CLNK: variants seen among roughly 807,000 people sequenced by gnomAD.
The protein encoded by CLNK is cytokine-dependent hematopoietic cell linker.
Under a neutral mutation model 68.6 loss-of-function variants are expected in CLNK, and 74 were observed. That is an observed-to-expected ratio of 1.08 (90% CI 0.89 to 1.31). The LOEUF (loss-of-function observed/expected upper bound fraction) is 1.31. CLNK is among the 50% of genes most tolerant of loss of function. CLNK has a pLI of 0.00. For missense variants in CLNK, 553 were observed against 515.3 expected (o/e 1.07, Z -0.71); for synonymous variants, 198 against 172.2 (o/e 1.15, Z -1.17).
At chr4:10,690,504 T>C in the CLNK span, among the ~76,000 whole-genome samples, 1 of 152,316 alleles carries the variant, frequency 6.6e-6, no homozygotes, top group African/African-American at 2.4e-5. Context: ...CCTCTCCCAA[T>C]TCTTCTTTAA....
At chr4:10,582,758 C>G (rs916296923) in intron 4 of CLNK, among the ~76,000 whole-genome samples, 9 of 151,990 alleles carry the variant, frequency 5.9e-5, no homozygotes, top group African/African-American at 1.2e-4. Context: ...TTATAAGACA[C>G]AGATATGCAA....
chr4:10,623,489 G>A (rs1366088118), intron 2 of CLNK, among the ~76,000 whole-genome samples: 3 of 152,166 alleles, frequency 2.0e-5, no homozygotes, highest in Non-Finnish European at 4.4e-5. Flanking sequence ...TAGATATGCA[G>A]CCTCTAAAGC....
At chr4:10,506,343 G>C (rs1425485435) in intron 17 of CLNK, among the ~76,000 whole-genome samples, 1 of 152,172 alleles carries the variant, frequency 6.6e-6, no homozygotes, top group Admixed American at 6.5e-5. Context: ...GAGTCAGAGT[G>C]TGAAGGTAGA....
chr4:10,670,118 A>G (rs1724571160), intron 1 of CLNK, among the ~76,000 whole-genome samples: 1 of 152,222 alleles, frequency 6.6e-6, no homozygotes, highest in South Asian at 2.1e-4. Flanking sequence ...AGTGTGAAAT[A>G]AACTGAAACA....
chr4:10,557,940 C>A (rs1430705935), intron 8 of CLNK, among the ~76,000 whole-genome samples: 2 of 152,210 alleles, frequency 1.3e-5, no homozygotes, highest in Non-Finnish European at 2.9e-5. Flanking sequence ...TCCATTTATG[C>A]TTCTAGCACT....
intron 11 of CLNK, among the ~76,000 whole-genome samples, chr4:10,535,503 C>T (rs866256828): frequency 1.5e-4 from 23 of 152,104 alleles, no homozygotes; most frequent in South Asian, 2.1e-4. Context: ...GATCCCAAAC[C>T]GGGCCTGGTG....
chr4:10,700,470 C>A, the CLNK span, among the ~76,000 whole-genome samples: 1,524 of 152,276 alleles, frequency 0.01, 34 homozygotes, highest in African/African-American at 0.034. Context: ...ATTATACATT[C>A]ACAGGGGTTC....
chr4:10,672,639 C>T (rs1416977261), intron 1 of CLNK, among the ~76,000 whole-genome samples: 1 of 152,082 alleles, frequency 6.6e-6, no homozygotes, highest in Non-Finnish European at 1.5e-5. Context: ...GAATCTTGTA[C>T]CCGCCTATGC....
chr4:10,630,215 T>C (rs1456854924), intron 2 of CLNK, among the ~76,000 whole-genome samples: 1 of 152,262 alleles, frequency 6.6e-6, no homozygotes, highest in Non-Finnish European at 1.5e-5. Flanking sequence ...GTTTGTTTAT[T>C]CCTGAGCCTG....
intron 2 of CLNK, among the ~76,000 whole-genome samples, chr4:10,652,192 C>T (rs1470396614): frequency 2.0e-5 from 3 of 151,430 alleles, no homozygotes; most frequent in Admixed American, 1.3e-4. Flanking sequence ...GCCAGCCTGG[C>T]CAACATGATG....
chr4:10,541,475 T>A (rs1007494519), intron 10 of CLNK, among the ~76,000 whole-genome samples: 1 of 151,940 alleles, frequency 6.6e-6, no homozygotes. Flanking sequence ...TGCTCACAGG[T>A]CCCAGATAGA....
chr4:10,566,448 G>T (rs755262776), intron 5 of CLNK, among the ~76,000 whole-genome samples: 2 of 152,206 alleles, frequency 1.3e-5, no homozygotes, highest in Non-Finnish European at 2.9e-5. Flanking sequence ...TAGGCAGATT[G>T]TCCTGGATTA....
chr4:10,495,056 A>AG (rs1716752218), intron 18 of CLNK, among the ~76,000 whole-genome samples: 1 of 152,090 alleles, frequency 6.6e-6, no homozygotes, highest in African/African-American at 2.4e-5. Context: ...ATAAATGCCA[A>AG]GCAAGCAGGA....
intron 2 of CLNK, among the ~76,000 whole-genome samples, chr4:10,609,112 T>C (rs1721905353): frequency 2.0e-5 from 3 of 152,226 alleles, no homozygotes. Flanking sequence ...GGATAGGTGC[T>C]GCCCTCGTGA....
intron 2 of CLNK, among the ~76,000 whole-genome samples, chr4:10,606,933 G>A (rs1435344970): frequency 6.6e-6 from 1 of 152,236 alleles, no homozygotes. Context: ...CATCTAGGTT[G>A]TTGCGGGTAC....
intron 18 of CLNK, among the ~76,000 whole-genome samples, chr4:10,490,901 A>C (rs908669875): frequency 6.6e-6 from 1 of 151,030 alleles, no homozygotes; most frequent in African/African-American, 2.4e-5. Context: ...AGTAGCTGGG[A>C]TTACAAGCAT....
chr4:10,700,578 C>G, the CLNK span, among the ~76,000 whole-genome samples: 1 of 152,128 alleles, frequency 6.6e-6, no homozygotes, highest in African/African-American at 2.4e-5. Context: ...TAAGGAAACT[C>G]AACACATAGA....
chr4:10,699,283 T>A, the CLNK span, among the ~76,000 whole-genome samples: 1 of 82,628 alleles, frequency 1.2e-5, no homozygotes. Context: ...ACACACCACA[T>A]ACGTGTATAC....
chr4:10,554,219 C>A (rs1431970743), intron 8 of CLNK, among the ~76,000 whole-genome samples: 1 of 152,110 alleles, frequency 6.6e-6, no homozygotes, highest in Admixed American at 6.6e-5. Flanking sequence ...CAGTGAACAC[C>A]CCAACATTAC....
Sources: allele counts gnomAD v4.1 joint callset (sites outside exome capture counted in the v4.1 genomes callset), GRCh38; gene constraint gnomAD v4.1.1; transcripts MANE v1.5; gene names NCBI Gene and HGNC (gene_info 2026-07-23, HGNC 2026-07-21).